RYR3: variants seen among roughly 807,000 people sequenced by gnomAD.
RYR3 encodes brain ryanodine receptor-calcium release channel.
In RYR3, 207 loss-of-function variants were observed where a neutral mutation model predicts 584.3. That is an observed-to-expected ratio of 0.35 (90% CI 0.32 to 0.40). The LOEUF is 0.40. RYR3 is among the 10% of genes least tolerant of loss of function. RYR3 has a pLI of 1.00. For synonymous variants in RYR3, 2,416 were observed against 2,248.5 expected, an observed-to-expected ratio of 1.07 and a Z score of -2.11; for missense variants, 5,616 against 6,089.2, an observed-to-expected ratio of 0.92 and a Z score of 2.59.
At chr15:33,751,656 G>A (rs1270209666) in intron 57 of RYR3, among the ~76,000 whole-genome samples, 1 of 151,588 alleles carries the variant, frequency 6.6e-6, no homozygotes, top group Non-Finnish European at 1.5e-5. Context: ...ATAGATTGCA[G>A]AAATTTTCTC....
chr15:33,679,300 G>A (rs562786230), intron 38 of RYR3, among the ~76,000 whole-genome samples: 8 of 152,210 alleles, frequency 5.3e-5, no homozygotes, highest in South Asian at 2.1e-4. Flanking sequence ...TCATCTCCTC[G>A]CTGTAAATGT....
At chr15:33,503,574 G>A (rs41279198) in intron 2 of RYR3, 57 bp from the exon 3 acceptor site, 94,844 of 1,015,060 alleles carry the variant, frequency 0.093, 5,611 homozygotes, top group East Asian at 0.25. Context: ...ATGTTGTTGC[G>A]TGACTGATCT....
chr15:33,707,953 T>G (rs766366864), intron 43 of RYR3, among the ~76,000 whole-genome samples: 2 of 152,196 alleles, frequency 1.3e-5, no homozygotes, highest in Non-Finnish European at 1.5e-5. Flanking sequence ...GTCTTAATAT[T>G]TAAATGGTTT....
intron 74 of RYR3, among the ~76,000 whole-genome samples, chr15:33,814,140 G>T (rs553034394): frequency 1.3e-5 from 2 of 152,336 alleles, no homozygotes; most frequent in East Asian, 1.9e-4. Context: ...GAAGTAAAAT[G>T]TATTTGAAGC....
chr15:33,480,297 TCA>T (rs951804388), intron 2 of RYR3, among the ~76,000 whole-genome samples: 3 of 152,228 alleles, frequency 2.0e-5, no homozygotes, highest in African/African-American at 7.2e-5. Context: ...GCTCTCTGCC[TCA>T]GTTTCTTCAT....
chr15:33,672,799 T>C lies in RYR3; in HGVS notation c.5860+2243T>C, dbSNP rs141753111. Among the ~76,000 whole-genome samples, 382 of 151,982 alleles carry C rather than the reference T, an allele frequency of 2.5e-3. 2 individuals carry two copies. Among genetic ancestry groups the C allele is most frequent in the Non-Finnish European group, 4.6e-3 (311 of 67,940 alleles). On this transcript the variant is annotated intron_variant, in intron 38 of 103. Transcript: ENST00000634891. ...AGTGTTAGAAACGTTATACAATGAA[T>C]TGGCAGTTTACTGAATACTTCCACA...
intron 1 of RYR3, among the ~76,000 whole-genome samples, chr15:33,432,396 C>A (rs975641922): frequency 5.9e-5 from 9 of 151,938 alleles, no homozygotes; most frequent in African/African-American, 1.5e-4. Flanking sequence ...CACCCTGTAG[C>A]CTCATCTGTT....
At chr15:33,857,321 G>C (rs2079791438) in intron 98 of RYR3, among the ~76,000 whole-genome samples, 1 of 152,024 alleles carries the variant, frequency 6.6e-6, no homozygotes, top group Non-Finnish European at 1.5e-5. Flanking sequence ...CGCTTCCCCT[G>C]ACCGTCCCTT....
chr15:33,731,879 G>A (rs926404495), intron 48 of RYR3, among the ~76,000 whole-genome samples, 185 bp downstream of exon 48: 1 of 152,184 alleles, frequency 6.6e-6, no homozygotes, highest in Non-Finnish European at 1.5e-5. Flanking sequence ...TCTTCCTTGA[G>A]GCTCATCTTT....
intron 96 of RYR3, among the ~76,000 whole-genome samples, chr15:33,854,187 CT>C (rs2079397108): frequency 1.3e-5 from 1 of 77,118 alleles, no homozygotes; most frequent in Admixed American, 1.7e-4. Context: ...TAGAGTGAGA[CT>C]CCGTTTCAAA....
intron 32 of RYR3, among the ~76,000 whole-genome samples, chr15:33,659,329 G>A (rs187162251): frequency 2.0e-5 from 3 of 152,348 alleles, no homozygotes; most frequent in African/African-American, 2.4e-5. Context: ...GAGAATGATG[G>A]TGCTGCCATG....
chr15:33,312,636 T>C (rs1167059065), intron 1 of RYR3, among the ~76,000 whole-genome samples: 1 of 152,214 alleles, frequency 6.6e-6, no homozygotes, highest in Non-Finnish European at 1.5e-5. Flanking sequence ...TCAGGTTTTT[T>C]CTGCCTTGTG....
intron 1 of RYR3, among the ~76,000 whole-genome samples, chr15:33,456,983 G>T (rs2047615093): frequency 6.6e-6 from 1 of 152,216 alleles, no homozygotes; most frequent in East Asian, 1.9e-4. Flanking sequence ...AATTTTGTTT[G>T]TGTTCGACAA....
chr15:33,496,743 T>C (rs2051461375), intron 2 of RYR3, among the ~76,000 whole-genome samples: 1 of 152,146 alleles, frequency 6.6e-6, no homozygotes. Context: ...CATATATGAA[T>C]AAATCGTCTT....
At chr15:33,845,298 G>A (rs530266322) in intron 93 of RYR3, among the ~76,000 whole-genome samples, 9 of 152,302 alleles carry the variant, frequency 5.9e-5, no homozygotes, top group African/African-American at 2.2e-4. Context: ...TGTCTCGCAG[G>A]CTGGAGTGCA....
Position 33,853,076 on chromosome 15 carries a change from G to A in RYR3, c.13660G>A (p.Val4554Ile), listed in dbSNP as rs1389469119. 1 of 1,600,892 alleles carries A rather than the reference G, an allele frequency of 6.2e-7. No homozygotes were observed. The highest frequency in any genetic ancestry group is 8.5e-7 in the Non-Finnish European group (1 of 1,175,272). ...TCCTAATAACTACTGGGACAAGTTTGTAAAGAGAAAGGTATGCCTTGTTAG... is the reference window on the plus strand; with the variant it reads ...TCCTAATAACTACTGGGACAAGTTTATAAAGAGAAAGGTATGCCTTGTTAG... ...SFPNNYWDKF[V>I]KRKVINKYGD... Residue 4554 changes from valine to isoleucine, a missense_variant, in exon 95 of 104, where the codon GTA (valine) becomes ATA (isoleucine). By Grantham distance (29) the Val-to-Ile change is conservative. This residue lies in a region of RYR3 where 918 missense variants were observed against 887.4 expected (regional missense o/e 1.03). Coordinates refer to ENST00000634891, the MANE Select transcript of RYR3 (RefSeq NM_001036.6).
At position 33,581,554 on chromosome 15, in the gene RYR3, A is replaced by G. The variant is rs1208407456; in HGVS notation, c.1484A>G (p.Tyr495Cys). 1.2e-6 allele frequency: 2 copies of G among 1,613,478 alleles called. No homozygotes were observed. The highest frequency in any genetic ancestry group is 1.7e-5 in the Admixed American group (1 of 60,000). The change falls in exon 14 of 104, where the codon TAC becomes TGC. Residue 495 changes from tyrosine to cysteine, a missense_variant. Physicochemically the swap from Tyr to Cys is radical, Grantham distance 194. This residue lies in a region of RYR3 where 1,284 missense variants were observed against 1,344.6 expected (regional missense o/e 0.95). Transcript: ENST00000634891. ...AATTGCATTGACCGCTTAAATGTCT[A>G]CAATAGCGTAGCACACTTTGCAGGG... ...VLNCIDRLNV[Y>C]NSVAHFAGIA...
chr15:33,487,917 T>C (rs12324605), intron 2 of RYR3, among the ~76,000 whole-genome samples: 45,618 of 152,098 alleles, frequency 0.3, 8,838 homozygotes, highest in African/African-American at 0.55. Flanking sequence ...GCTCCTCACG[T>C]TCTGCTATTT....
chr15:33,467,074 A>G (rs2048549379), intron 1 of RYR3, among the ~76,000 whole-genome samples: 2 of 152,222 alleles, frequency 1.3e-5, no homozygotes, highest in African/African-American at 4.8e-5. Context: ...ATAAGTGCAC[A>G]CCCATATCTT....
Sources: allele counts gnomAD v4.1 joint callset (sites outside exome capture counted in the v4.1 genomes callset), GRCh38; gene constraint gnomAD v4.1.1; regional missense constraint gnomAD v4.1.1; transcripts MANE v1.5; gene names NCBI Gene and HGNC (gene_info 2026-07-23, HGNC 2026-07-21).